SASH3: variants seen among roughly 807,000 people sequenced by gnomAD.
SASH3 encodes the protein SAM and SH3 domain containing 3.
A neutral mutation model predicts 26.1 loss-of-function variants in SASH3; 7 were observed. The ratio of observed to expected loss-of-function variants is 0.27; its 90% CI spans 0.15 to 0.50. The LOEUF (loss-of-function observed/expected upper bound fraction) is 0.50. Ranked by LOEUF, SASH3 falls within the 20% of genes least tolerant of loss-of-function variation. The pLI is 0.98. For synonymous variants in SASH3, 138 were observed against 136.8 expected (o/e 1.01, Z -0.06); for missense variants, 231 against 318.3 (o/e 0.73, Z 2.09).
At chrX:129,787,024 G>A (rs1267021267) in intron 1 of SASH3, among the ~76,000 whole-genome samples, 4 of 108,021 alleles carry the variant, frequency 3.7e-5, no homozygotes, top group South Asian at 4.0e-4. Context: ...AAGCTCAGCC[G>A]GGCATGGTGG....
Position 129,794,048 on chromosome X carries a change from C to A in SASH3, c.*216C>A. The A allele has an allele frequency of 2.5e-6, 1 of 397,078 alleles. No homozygotes were observed. The allele number at this position is 397,078 out of a possible 1,213,427, so 32.7% of individuals were successfully genotyped here. A position where few individuals can be genotyped will look rare whatever the true frequency, so the allele number is the denominator to read the frequency against. On this transcript the variant is annotated 3_prime_UTR_variant, in exon 8 of 8. Transcript: ENST00000356892. ...TCGCCCAAGGGCACATCCCACCTGC[C>A]TGAGCCCCGCCCTCCACCAGCGACT...
At chrX:129,786,750 A>G (rs888913544) in intron 1 of SASH3, among the ~76,000 whole-genome samples, 1 of 111,475 alleles carries the variant, frequency 9.0e-6, no homozygotes, top group Non-Finnish European at 1.9e-5. Context: ...TAATCCCAGC[A>G]CTTTGGGAGG....
At chrX:129,788,137 G>GGGGGGGGGGGGGGGGGC in intron 2 of SASH3, 67 bp downstream of exon 2, 1 of 354,275 alleles carries the variant, frequency 2.8e-6, no homozygotes, top group African/African-American at 2.7e-5. Context: ...GGGTGGGAGG[G>GGGGGGGGGGGGGGGGGC]AAGAGGGTGA....
chrX:129,785,184 G>A (rs899682086), intron 1 of SASH3, among the ~76,000 whole-genome samples: 1 of 110,637 alleles, frequency 9.0e-6, no homozygotes, highest in Non-Finnish European at 1.9e-5. Context: ...TGAAAAGGGG[G>A]CCAACAGTGT....
intron 1 of SASH3, among the ~76,000 whole-genome samples, chrX:129,781,219 A>AG (rs1927010704): frequency 8.9e-6 from 1 of 112,042 alleles, no homozygotes; most frequent in Non-Finnish European, 1.9e-5. Context: ...CCCCCTTGTC[A>AG]GGGGAGTAGC....
rs1258241826 is a variant in SASH3 at position 129,794,439 on chromosome X, C to G, written c.*607C>G. ...ACTTGAACCAAGTGGCTTCCTCTTTCTAGGCTTAGGACGGGTTGGGGTTAG... is the reference window on the plus strand; with the variant it reads ...ACTTGAACCAAGTGGCTTCCTCTTTGTAGGCTTAGGACGGGTTGGGGTTAG... On this transcript the variant is annotated 3_prime_UTR_variant, in exon 8 of 8. Coordinates refer to ENST00000356892, the MANE Select transcript of SASH3 (RefSeq NM_018990.4). 1 of 112,279 alleles carries G rather than the reference C, an allele frequency of 8.9e-6. No individual in the cohort carries two copies. Among genetic ancestry groups the G allele is most frequent in the Non-Finnish European group, 1.9e-5 (1 of 53,445 alleles). 9.3% of individuals were successfully genotyped at this position (112,279 alleles called of 1,213,427 possible).
chrX:129,792,007 G>A (rs181902456), intron 4 of SASH3, among the ~76,000 whole-genome samples: 14 of 111,861 alleles, frequency 1.3e-4, no homozygotes, highest in Admixed American at 6.6e-4. Flanking sequence ...TCAGATTTCC[G>A]CATCTGTTCA....
chrX:129,793,889 G>C lies in SASH3; in HGVS notation c.*57G>C. 9.4e-7 allele frequency: 1 copy of C among 1,068,335 alleles called. No homozygotes were observed. The highest frequency in any genetic ancestry group is 2.1e-5 in the South Asian group (1 of 47,799). The allele number at this position is 1,068,335 out of a possible 1,213,427, so 88.0% of individuals were successfully genotyped here. A position where few individuals can be genotyped will look rare whatever the true frequency, so the allele number is the denominator to read the frequency against. On this transcript the variant is annotated 3_prime_UTR_variant, in exon 8 of 8. Coordinates refer to ENST00000356892, the MANE Select transcript of SASH3 (RefSeq NM_018990.4). ...CCAGCTGCAAAGGCTGTAGGAGTGG[G>C]CCCAGCCTCCCGTGGTGGCCCAGGT...
At position 129,787,011 on chromosome X, in the gene SASH3, G is replaced by A. The variant is rs765454160; in HGVS notation, c.58-964G>A. On this transcript the variant is annotated intron_variant, in intron 1 of 7. Coordinates refer to ENST00000356892, the MANE Select transcript of SASH3 (RefSeq NM_018990.4). ...CTCCATCTCAGAAAAAAAAAAAAAAGGCAAGCTCAGCCGGGCATGGTGGCT... is the reference window on the plus strand; with the variant it reads ...CTCCATCTCAGAAAAAAAAAAAAAAAGCAAGCTCAGCCGGGCATGGTGGCT... 9.7e-3 allele frequency among the ~76,000 whole-genome samples: 958 copies of A among 98,495 alleles called. 6 individuals carry two copies. The highest frequency in any genetic ancestry group is 0.014 in the Non-Finnish European group (715 of 49,707). 85.5% of individuals were successfully genotyped at this position (98,495 alleles called of 115,157 possible). A position where few individuals can be genotyped will look rare whatever the true frequency, so the allele number is the denominator to read the frequency against.
chrX:129,794,097 C>T lies in SASH3; in HGVS notation c.*265C>T. On this transcript the variant is annotated 3_prime_UTR_variant, in exon 8 of 8. Coordinates refer to ENST00000356892, the MANE Select transcript of SASH3 (RefSeq NM_018990.4). ...CTGACAGCGCAGCCCCTCCTGGCAC[C>T]AACTGCTCCCCTGCCATGGCCACGG... The T allele has an allele frequency of 2.7e-6, 1 of 365,217 alleles. No homozygotes were observed. Among genetic ancestry groups the T allele is most frequent in the Non-Finnish European group, 4.8e-6 (1 of 208,001 alleles). 30.1% of individuals were successfully genotyped at this position (365,217 alleles called of 1,213,427 possible). A position where few individuals can be genotyped will look rare whatever the true frequency, so the allele number is the denominator to read the frequency against.
At chrX:129,788,180 T>A in intron 2 of SASH3, 110 bp downstream of exon 2, 1 of 644,051 alleles carries the variant, frequency 1.6e-6, no homozygotes, top group Non-Finnish European at 2.4e-6. Context: ...CGAAGCCCCC[T>A]TTAACACAGA....
At chrX:129,783,407 AC>A (rs1242783465) in intron 1 of SASH3, among the ~76,000 whole-genome samples, 2 of 110,774 alleles carry the variant, frequency 1.8e-5, no homozygotes, top group African/African-American at 6.6e-5. Context: ...TCACCACTAC[AC>A]TCAATCCACT....
rs1166590256 is a variant in SASH3, at chrX:129,791,076, C to T, written c.437C>T (p.Ser146Leu). 3 of 1,210,481 alleles carry T rather than the reference C, an allele frequency of 2.5e-6. No individual in the cohort carries two copies. Among genetic ancestry groups the T allele is most frequent in the Admixed American group, 2.2e-5 (1 of 45,944 alleles). ...HELPVLSRQA[S>L]TGSELCSPSP... ...CTTCCGGTGCTCAGCCGCCAGGCATCAACAGGTGAGTAGGGGATGCGGGGG... is the reference window on the plus strand; with the variant it reads ...CTTCCGGTGCTCAGCCGCCAGGCATTAACAGGTGAGTAGGGGATGCGGGGG... Residue 146 changes from serine (S) to leucine (L), a missense_variant, in exon 4 of 8, where the codon TCA becomes TTA. Coordinates refer to ENST00000356892, the MANE Select transcript of SASH3 (RefSeq NM_018990.4).
chrX:129,788,557 A>G lies in SASH3; in HGVS notation c.280A>G (p.Lys94Glu), dbSNP rs1314045772. Residue 94 changes from lysine to glutamate, a missense_variant, in exon 3 of 8, where the codon AAG becomes GAG. By Grantham distance (56) the Lys-to-Glu change is moderately conservative. Coordinates refer to ENST00000356892, the MANE Select transcript of SASH3 (RefSeq NM_018990.4). ...CAGGAAGATGGGCAAGATGATGGTGAAGGCCCTGTCAGAAGAGATGGTGAG... is the reference window on the plus strand; with the variant it reads ...CAGGAAGATGGGCAAGATGATGGTGGAGGCCCTGTCAGAAGAGATGGTGAG... The part of the protein sequence containing the change: ...MNRKMGKMMV[K>E]ALSEEMADTL... 8.3e-7 allele frequency: 1 copy of G among 1,210,429 alleles called. No homozygotes were observed. The highest frequency in any genetic ancestry group is 1.7e-5 in the African/African-American group (1 of 57,307).
At chrX:129,789,153 G>GAAAGAAAGAAAGAAAGAAAGAA (rs1927176303) in intron 3 of SASH3, among the ~76,000 whole-genome samples, 1 of 64,407 alleles carries the variant, frequency 1.6e-5, no homozygotes, top group Non-Finnish European at 2.5e-5. Context: ...AAGAAAGAAA[G>GAAAGAAAGAAAGAAAGAAAGAA]AAAGAAAGAA....
intron 3 of SASH3, among the ~76,000 whole-genome samples, chrX:129,789,670 A>G (rs1454745170): frequency 1.8e-5 from 2 of 111,497 alleles, no homozygotes; most frequent in East Asian, 5.6e-4. Context: ...GAAAACAGAG[A>G]AGGCTGGCTT....
intron 5 of SASH3, 58 bp downstream of exon 5, chrX:129,792,534 T>C: frequency 8.3e-7 from 1 of 1,206,208 alleles, no homozygotes; most frequent in Non-Finnish European, 1.1e-6. Context: ...AAAAGGAAGC[T>C]GGACTGAACC....
chrX:129,789,402 G>A (rs1569312821), intron 3 of SASH3, among the ~76,000 whole-genome samples: 2 of 109,756 alleles, frequency 1.8e-5, no homozygotes, highest in African/African-American at 3.3e-5. Flanking sequence ...AGAGGCCAAG[G>A]CAGGTGGATC....
chrX:129,783,084 C>T (rs1039792578), intron 1 of SASH3, among the ~76,000 whole-genome samples: 1 of 111,385 alleles, frequency 9.0e-6, no homozygotes, highest in African/African-American at 3.3e-5. Context: ...GTATGACCCC[C>T]ACACCCTGCC....
Sources: gnomAD v4.1 joint callset for allele counts (sites outside exome capture counted in the v4.1 genomes callset) on GRCh38, gnomAD v4.1.1 for gene constraint, MANE v1.5 for transcripts, NCBI Gene and HGNC (gene_info 2026-07-23, HGNC 2026-07-21) for gene names.